The following CRHBP variants were observed in gnomAD, a reference collection of about 807,000 sequenced individuals.
CRHBP encodes the protein corticotropin releasing hormone binding protein, also known as corticotropin-releasing hormone-binding protein.
Under a neutral mutation model 34.9 loss-of-function variants are expected in CRHBP, and 19 were observed. The observed-to-expected ratio is 0.55, with a 90% CI of 0.38 to 0.80. The LOEUF (loss-of-function observed/expected upper bound fraction) is 0.80, where lower values mean the gene tolerates loss of function less well. Among genes scored for constraint, CRHBP ranks in the 30% least tolerant of loss-of-function variants. CRHBP has a pLI of 0.00. For missense variants in CRHBP, 328 were observed against 409.2 expected (o/e 0.80, Z 1.71); for synonymous variants, 154 against 153.4 (o/e 1.00, Z -0.03).
chr5:76,971,908 A>G (rs62364500), downstream of CRHBP, among the ~76,000 whole-genome samples: 390 of 152,306 alleles, frequency 2.6e-3, 2 homozygotes, highest in African/African-American at 8.4e-3. Context: ...CTGAATACCA[A>G]TTAGGGGACT....
At chr5:76,954,217 G>A (rs779457908) in intron 3 of CRHBP, 31 bp downstream of exon 3, 1 of 1,604,950 alleles carries the variant, frequency 6.2e-7, no homozygotes, top group Admixed American at 1.7e-5. Flanking sequence ...CAACCTAGCC[G>A]GAGGGCGGCA....
At chr5:76,975,181 G>C (rs962491909) in intron 2 of CRHBP, among the ~76,000 whole-genome samples, 1 of 152,172 alleles carries the variant, frequency 6.6e-6, no homozygotes, top group Non-Finnish European at 1.5e-5. Context: ...TAACGGTTCA[G>C]ATGTAATCAA....
At chr5:76,976,615 G>A (rs191530507) in intron 3 of CRHBP, 1 of 152,158 alleles carries the variant, frequency 6.6e-6, no homozygotes, top group Non-Finnish European at 1.5e-5. Flanking sequence ...TATAACAGGA[G>A]CACCTACGTT....
At chr5:76,966,485 G>A (rs924502371) in intron 6 of CRHBP, among the ~76,000 whole-genome samples, 1 of 152,212 alleles carries the variant, frequency 6.6e-6, no homozygotes, top group Non-Finnish European at 1.5e-5. Context: ...GAGGGTTGTA[G>A]GGAGACTAGC....
At chr5:76,972,789 T>C (rs1404756136), downstream of CRHBP, among the ~76,000 whole-genome samples, 1 of 152,230 alleles carries the variant, frequency 6.6e-6, no homozygotes, top group Non-Finnish European at 1.5e-5. Context: ...CTGGTACTGT[T>C]GCTTCATTTA....
intron 2 of CRHBP, 129 bp from the exon 3 acceptor site, chr5:76,953,900 C>T: frequency 1.6e-6 from 2 of 1,278,046 alleles, no homozygotes; most frequent in East Asian, 2.5e-5. Flanking sequence ...CCCAGCGCAG[C>T]CTAGGCTGGA....
At chr5:76,964,150 C>T (rs1745823521) in intron 6 of CRHBP, among the ~76,000 whole-genome samples, 1 of 151,916 alleles carries the variant, frequency 6.6e-6, no homozygotes. Flanking sequence ...ACTTCATGAC[C>T]TCATGACCAG....
At chr5:76,967,697 A>T (rs1471761894) in intron 6 of CRHBP, among the ~76,000 whole-genome samples, 3 of 151,392 alleles carry the variant, frequency 2.0e-5, no homozygotes, top group Non-Finnish European at 4.4e-5. Flanking sequence ...AATGAATAAG[A>T]TTGGATTTTT....
chr5:76,963,312 T>A, intron 5 of CRHBP, 31 bp from the exon 6 acceptor site: 1 of 1,591,868 alleles, frequency 6.3e-7, no homozygotes, highest in Non-Finnish European at 8.6e-7. Context: ...TTGGTTTAAA[T>A]GTGTCTTTCT....
chr5:76,965,929 A>G (rs888979136), intron 6 of CRHBP, among the ~76,000 whole-genome samples: 1 of 152,242 alleles, frequency 6.6e-6, no homozygotes, highest in Admixed American at 6.5e-5. Flanking sequence ...GCAGGGATGT[A>G]TTAAAGGGAG....
chr5:76,960,766 TTTTTTG>T (rs1202544770), intron 5 of CRHBP, among the ~76,000 whole-genome samples: 6 of 136,124 alleles, frequency 4.4e-5, no homozygotes, highest in East Asian at 2.3e-4. Context: ...TTGTTTTTTG[TTTTTTG>T]TTTTTTTTTT....
chr5:76,968,898 G>A lies in CRHBP; in HGVS notation c.*13G>A, dbSNP rs766234801. ...GTCTGGTCTTTGAATAACCAACCCA[G>A]TGATTTACATGCTGATAGCTAAGTG... On this transcript the variant is annotated 3_prime_UTR_variant, in exon 7 of 7. Transcript: ENST00000274368. 3.7e-6 allele frequency: 6 copies of A among 1,610,784 alleles called. No individual in the cohort carries two copies. Among genetic ancestry groups the A allele is most frequent in the Non-Finnish European group, 4.2e-6 (5 of 1,177,796 alleles).
intron 1 of CRHBP, 104 bp downstream of exon 1, chr5:76,953,319 C>G: frequency 2.8e-6 from 3 of 1,083,136 alleles, no homozygotes; most frequent in South Asian, 2.7e-5. Flanking sequence ...GCTGTTTCTT[C>G]CCTCTCTGCT....
chr5:76,969,686 G>A (rs1015160977), downstream of CRHBP, among the ~76,000 whole-genome samples: 9 of 152,180 alleles, frequency 5.9e-5, no homozygotes, highest in Non-Finnish European at 8.8e-5. Flanking sequence ...AGGGAAGCGG[G>A]TGCAGAGATT....
At chr5:76,971,699 A>G (rs1422600587), downstream of CRHBP, among the ~76,000 whole-genome samples, 1 of 152,174 alleles carries the variant, frequency 6.6e-6, no homozygotes, top group Non-Finnish European at 1.5e-5. Flanking sequence ...TCCAGGACCA[A>G]TCCTGACCTT....
intron 1 of CRHBP, 173 bp downstream of exon 1, chr5:76,953,388 C>T: frequency 1.2e-6 from 1 of 818,448 alleles, no homozygotes. Flanking sequence ...CTCTGAGCAT[C>T]CCAGACTGCC....
intron 4 of CRHBP, among the ~76,000 whole-genome samples, chr5:76,956,087 G>A (rs1228455894): frequency 6.6e-6 from 1 of 152,186 alleles, no homozygotes; most frequent in African/African-American, 2.4e-5. Context: ...TTTATGAAGA[G>A]TACAATTCTA....
intron 6 of CRHBP, among the ~76,000 whole-genome samples, chr5:76,967,824 G>C (rs372262754): frequency 2.6e-5 from 4 of 151,348 alleles, no homozygotes; most frequent in Admixed American, 1.3e-4. Flanking sequence ...TCAGCCTCCC[G>C]AGTAGCTGGG....
intron 3 of CRHBP, among the ~76,000 whole-genome samples, chr5:76,980,290 G>T (rs534513111): frequency 6.6e-6 from 1 of 150,926 alleles, no homozygotes; most frequent in South Asian, 2.1e-4. Flanking sequence ...AAGCAGTGGG[G>T]CCAGGATTCA....
Sources: allele counts gnomAD v4.1 joint callset (sites outside exome capture counted in the v4.1 genomes callset), GRCh38; gene constraint gnomAD v4.1.1; transcripts MANE v1.5; gene names NCBI Gene and HGNC (gene_info 2026-07-23, HGNC 2026-07-21).